The following ERCC1 variants were observed in gnomAD, a reference collection of about 807,000 sequenced individuals.
ERCC1 encodes the protein DNA excision repair protein ERCC-1.
In ERCC1, 36 loss-of-function variants were observed where a neutral mutation model predicts 37.6. That is an observed-to-expected ratio of 0.96 (90% CI 0.73 to 1.26). ERCC1 has a LOEUF of 1.26. ERCC1 is among the 50% of genes most tolerant of loss of function. The probability of loss-of-function intolerance (pLI) is 0.00; values close to 1 mark genes in which losing one functional copy is unlikely to be tolerated. For missense variants in ERCC1, 349 were observed against 376.5 expected, an observed-to-expected ratio of 0.93 and a Z score of 0.60; for synonymous variants, 156 against 162.1, an observed-to-expected ratio of 0.96 and a Z score of 0.28.
chr19:45,428,074 TC>T (rs1210245004), upstream of ERCC1, among the ~76,000 whole-genome samples: 2 of 139,066 alleles, frequency 1.4e-5, no homozygotes, highest in African/African-American at 6.2e-5. Context: ...TCTTTTTCTT[TC>T]TTTCTTTCTT....
chr19:45,449,651 T>C (rs1967052689), intron 1 of ERCC1, among the ~76,000 whole-genome samples: 1 of 150,594 alleles, frequency 6.6e-6, no homozygotes, highest in Admixed American at 6.6e-5. Context: ...GGCAACAGAA[T>C]GAGACCTTGT....
chr19:45,409,076 G>T lies in ERCC1; in HGVS notation c.*599C>A. 6.2e-7 allele frequency: 1 copy of T among 1,613,770 alleles called. No homozygotes were observed. The highest frequency in any genetic ancestry group is 1.1e-5 in the South Asian group (1 of 91,048). On this transcript the variant is annotated 3_prime_UTR_variant, in exon 10 of 10. Coordinates refer to ENST00000300853, the MANE Select transcript of ERCC1 (RefSeq NM_001983.4). ...GGGGACCATGGCGCCTCAACAGCCA[G>T]AAGGAGCGAAGCCTCAGGCCCAGGC...
Position 45,409,181 on chromosome 19 carries a change from G to A in ERCC1, c.*494C>T. 6.2e-7 allele frequency: 1 copy of A among 1,613,494 alleles called. No individual in the cohort carries two copies. Among genetic ancestry groups the A allele is most frequent in the Middle Eastern group, 1.7e-4 (1 of 6,058 alleles). ...AGTGGAGCCAGAGACAGAGGTGGTG[G>A]GGCCTGAGCTGCCGGATGACCTTGA... On this transcript the variant is annotated 3_prime_UTR_variant, in exon 10 of 10. Transcript: ENST00000300853.
chr19:45,420,840 C>G lies in ERCC1; in HGVS notation c.321+338G>C, dbSNP rs1235217012. ...GTGTCACCATATTCGCCAGACTGGTCTCGAACTCCTGACCTCAGGTGATCC... is the reference window on the plus strand; with the variant it reads ...GTGTCACCATATTCGCCAGACTGGTGTCGAACTCCTGACCTCAGGTGATCC... On this transcript the variant is annotated intron_variant, in intron 3 of 9. Coordinates refer to ENST00000300853, the MANE Select transcript of ERCC1 (RefSeq NM_001983.4). This position sits in a 1 kb window ranked among gnomAD's most constrained non-coding sequence, Gnocchi z 4.8. Among the ~76,000 whole-genome samples the G allele has an allele frequency of 6.6e-6, 1 of 152,074 alleles. No homozygotes were observed. The highest frequency in any genetic ancestry group is 1.5e-5 in the Non-Finnish European group (1 of 68,008).
At chr19:45,437,034 G>T (rs1974998057) in intron 1 of ERCC1, among the ~76,000 whole-genome samples, 1 of 152,104 alleles carries the variant, frequency 6.6e-6, no homozygotes. Flanking sequence ...TGAATCACCT[G>T]AGGTCAGGAG....
At position 45,420,374 on chromosome 19, in the gene ERCC1, G is replaced by GGGCACCAAA; in HGVS notation, c.374_375insTTTGGTGCC (p.Asp125_Val126insLeuValPro). On this transcript the variant is annotated inframe_insertion, in exon 4 of 10. Coordinates refer to ENST00000300853, the MANE Select transcript of ERCC1 (RefSeq NM_001983.4). This position sits in a 1 kb window ranked among gnomAD's most constrained non-coding sequence, Gnocchi z 4.8. Reference sequence around the variant, plus strand: ...GGCCCAGCACATAGTCGGGAATTACGTCGCCAAATTCCCAGGGCACATTGC... The same window carrying GGGCACCAAA: ...GGCCCAGCACATAGTCGGGAATTACGGGCACCAAATCGCCAAATTCCCAGGGCACATTGC... 1 of 1,613,902 alleles carries GGGCACCAAA rather than the reference G, an allele frequency of 6.2e-7. No homozygotes were observed. The highest frequency in any genetic ancestry group is 8.5e-7 in the Non-Finnish European group (1 of 1,179,914).
intron 9 of ERCC1, among the ~76,000 whole-genome samples, chr19:45,411,325 G>A (rs983513181): frequency 7.8e-6 from 1 of 128,454 alleles, no homozygotes; most frequent in Admixed American, 8.0e-5. Context: ...GGGATTGCTG[G>A]ATCATGTGGA....
Position 45,408,132 on chromosome 19 carries a change from G to A in ERCC1, c.*1543C>T, listed in dbSNP as rs979881919. On this transcript the variant is annotated 3_prime_UTR_variant, in exon 10 of 10. Coordinates refer to ENST00000300853, the MANE Select transcript of ERCC1 (RefSeq NM_001983.4). The stretch of plus-strand genomic sequence containing the variant: ...TCTGCCCTCCCTGTTTCTCTCTGTA[G>A]CTTCAATGGGCGGCATGTGCCTCTC... 1 of 1,593,312 alleles carries A rather than the reference G, an allele frequency of 6.3e-7. No individual in the cohort carries two copies. Among genetic ancestry groups the A allele is most frequent in the Non-Finnish European group, 8.6e-7 (1 of 1,165,638 alleles).
At chr19:45,418,354 A>C (rs1453102007) in intron 5 of ERCC1, among the ~76,000 whole-genome samples, 1 of 152,028 alleles carries the variant, frequency 6.6e-6, no homozygotes, top group Non-Finnish European at 1.5e-5. Context: ...GTCTCAAAAC[A>C]ATCAATCAAT....
intron 1 of ERCC1, among the ~76,000 whole-genome samples, chr19:45,450,417 G>C (rs1326604005): frequency 6.6e-6 from 1 of 152,172 alleles, no homozygotes; most frequent in African/African-American, 2.4e-5. Flanking sequence ...TAACGCCTCA[G>C]TTCCGCCACG....
chr19:45,411,199 C>T (rs1209564394), intron 9 of ERCC1, among the ~76,000 whole-genome samples: 2 of 152,170 alleles, frequency 1.3e-5, no homozygotes, highest in Non-Finnish European at 2.9e-5. Context: ...TGGTCATCTG[C>T]TGATGGACAC....
intron 1 of ERCC1, among the ~76,000 whole-genome samples, chr19:45,446,235 G>A (rs1966938516): frequency 6.6e-6 from 1 of 152,124 alleles, no homozygotes; most frequent in African/African-American, 2.4e-5. Flanking sequence ...TGGGTTGTAG[G>A]TGGGGAATAG....
intron 1 of ERCC1, among the ~76,000 whole-genome samples, chr19:45,432,646 G>A (rs533434087): frequency 6.6e-6 from 1 of 152,164 alleles, no homozygotes; most frequent in African/African-American, 2.4e-5. Context: ...GGCTAAAGCA[G>A]TCCTCCCACC....
At position 45,409,063 on chromosome 19, in the gene ERCC1, G is replaced by T. The variant is rs755479894; in HGVS notation, c.*612C>A. ...TGGAGTCCCCAGGGGGGACCATGGC[G>T]CCTCAACAGCCAGAAGGAGCGAAGC... On this transcript the variant is annotated 3_prime_UTR_variant, in exon 10 of 10. Coordinates refer to ENST00000300853, the MANE Select transcript of ERCC1 (RefSeq NM_001983.4). The T allele has an allele frequency of 6.8e-6, 11 of 1,613,582 alleles. No individual in the cohort carries two copies. Among genetic ancestry groups the T allele is most frequent in the Admixed American group, 5.0e-5 (3 of 59,962 alleles).
At chr19:45,435,876 T>C (rs1974962414) in intron 1 of ERCC1, among the ~76,000 whole-genome samples, 1 of 151,982 alleles carries the variant, frequency 6.6e-6, no homozygotes, top group African/African-American at 2.4e-5. Context: ...TTCTCTCAAG[T>C]CTCAGCCTCC....
rs1305343708 is a variant in ERCC1, at chr19:45,420,025, C to A, written c.425+299G>T. On this transcript the variant is annotated intron_variant, in intron 4 of 9. Coordinates refer to ENST00000300853, the MANE Select transcript of ERCC1 (RefSeq NM_001983.4). The surrounding 1 kb of genome is among the most constrained non-coding windows in gnomAD (Gnocchi z 4.8). ...GCCTCAGACCCAGGAGTCTAGGCCC[C>A]AGCCCCTCCTCCCTCAGATCCCCAG... Among the ~76,000 whole-genome samples the A allele has an allele frequency of 2.0e-5, 3 of 150,846 alleles. No homozygotes were observed. The highest frequency in any genetic ancestry group is 2.0e-4 in the East Asian group (1 of 5,076).
At chr19:45,424,549 T>C (rs1267408566), upstream of ERCC1, among the ~76,000 whole-genome samples, 1 of 152,254 alleles carries the variant, frequency 6.6e-6, no homozygotes, top group Non-Finnish European at 1.5e-5. Context: ...AGTATCACAC[T>C]GTTCTAACTT....
chr19:45,419,430 G>C (rs749157813), intron 4 of ERCC1: 2 of 523,444 alleles, frequency 3.8e-6, no homozygotes, highest in Admixed American at 6.3e-5. Flanking sequence ...CAGACCCCTG[G>C]CTTCTTCATG....
In ERCC1 at chr19:45,413,997, T is replaced by C. The variant is rs1380182346; in HGVS notation, c.740A>G (p.Lys247Arg). Residue 247 changes from lysine (K) to arginine (R), a missense_variant, in exon 8 of 10, where the codon AAA (lysine) becomes AGA (arginine). Lys to Arg is a conservative substitution (Grantham distance 26). Transcript: ENST00000300853. ...ECLTTVKSVN[K>R]TDSQTLLTTF... The stretch of plus-strand genomic sequence containing the variant: ...GGTCAGGAGGGTCTGACTGTCCGTT[T>C]TGTTGACTGACTTCACGGTGGTCAG... 1.2e-6 allele frequency: 2 copies of C among 1,613,806 alleles called. No homozygotes were observed. The highest frequency in any genetic ancestry group is 1.3e-5 in the African/African-American group (1 of 74,904).
Sources: allele counts gnomAD v4.1 joint callset (sites outside exome capture counted in the v4.1 genomes callset), GRCh38; gene constraint gnomAD v4.1.1; non-coding constraint Gnocchi (gnomAD v3.1); transcripts MANE v1.5; gene names NCBI Gene and HGNC (gene_info 2026-07-23, HGNC 2026-07-21).